The following CPQ variants were observed in gnomAD, a reference collection of about 807,000 sequenced individuals.
CPQ encodes the protein carboxypeptidase Q, also known as Ser-Met dipeptidase.
A neutral mutation model predicts 45.7 loss-of-function variants in CPQ; 37 were observed. The ratio of observed to expected loss-of-function variants is 0.81; its 90% CI spans 0.62 to 1.07. CPQ has a LOEUF of 1.07. CPQ is among the 50% of genes least tolerant of loss of function. The probability of loss-of-function intolerance (pLI) is 0.00; values close to 1 mark genes in which losing one functional copy is unlikely to be tolerated. For synonymous variants in CPQ, 186 were observed against 205.8 expected (o/e 0.90, Z 0.82); for missense variants, 537 against 572.9 (o/e 0.94, Z 0.64).
chr8:97,083,446 A>G (rs1333630708), intron 7 of CPQ, among the ~76,000 whole-genome samples: 2 of 152,170 alleles, frequency 1.3e-5, no homozygotes, highest in South Asian at 4.1e-4. Flanking sequence ...CTACTAGCAT[A>G]CACTATAACC....
chr8:97,022,457 G>A (rs923324723), intron 5 of CPQ, among the ~76,000 whole-genome samples: 11 of 152,084 alleles, frequency 7.2e-5, no homozygotes, highest in Admixed American at 7.2e-4. Context: ...ACCCAGAGTG[G>A]GAGAACATCT....
rs189575413 is a variant in CPQ, at chr8:96,878,823, A to G, written c.642-975A>G. 1.9e-3 allele frequency among the ~76,000 whole-genome samples: 296 copies of G among 152,336 alleles called. 5 individuals are homozygous for G. Among genetic ancestry groups the G allele is most frequent in the Admixed American group, 0.019 (292 of 15,296 alleles). ...TGTTCTGTAAATATGAGACAAGCTG[A>G]AACAAATATAGAAATATGAAAAGAA... On this transcript the variant is annotated intron_variant, in intron 3 of 7. Coordinates refer to ENST00000220763, the MANE Select transcript of CPQ (RefSeq NM_016134.4).
chr8:96,885,761 G>A (rs1812297550), intron 4 of CPQ, among the ~76,000 whole-genome samples: 2 of 152,142 alleles, frequency 1.3e-5, no homozygotes, highest in South Asian at 4.1e-4. Flanking sequence ...GGCCGAGGCG[G>A]GCAGATAACT....
intron 2 of CPQ, among the ~76,000 whole-genome samples, chr8:96,787,707 G>A (rs905305480): frequency 6.6e-6 from 1 of 150,874 alleles, no homozygotes; most frequent in East Asian, 2.0e-4. Context: ...TTTCTTTGTG[G>A]GAAGATTTTT....
chr8:96,838,260 C>T (rs1297594023), intron 3 of CPQ, among the ~76,000 whole-genome samples: 1 of 152,162 alleles, frequency 6.6e-6, no homozygotes, highest in Non-Finnish European at 1.5e-5. Context: ...ATCTCAGTCA[C>T]TTCACACAAT....
intron 3 of CPQ, among the ~76,000 whole-genome samples, chr8:96,846,839 C>G (rs537760869): frequency 6.6e-6 from 1 of 152,276 alleles, no homozygotes; most frequent in African/African-American, 2.4e-5. Context: ...ATAATCCAAT[C>G]AAGGACATAC....
Position 97,107,062 on chromosome 8 carries a change from T to C in CPQ, c.1256-35958T>C, listed in dbSNP as rs1166366609. ...AGAACAGAAGGGAAGGAATGGGAGC[T>C]ACTGACTCTAATAGCAGAAATTTGC... On this transcript the variant is annotated intron_variant, in intron 7 of 7. Coordinates refer to ENST00000220763, the MANE Select transcript of CPQ (RefSeq NM_016134.4). Among the ~76,000 whole-genome samples, 5 of 152,166 alleles carry C rather than the reference T, an allele frequency of 3.3e-5. No homozygotes were observed. The East Asian group carries it at 9.6e-4, about 29-fold the overall frequency.
intron 5 of CPQ, among the ~76,000 whole-genome samples, chr8:96,993,019 A>C (rs900889496): frequency 6.6e-6 from 1 of 152,224 alleles, no homozygotes; most frequent in Non-Finnish European, 1.5e-5. Flanking sequence ...TGCCACCTGC[A>C]CTGACAATAC....
At chr8:97,030,774 A>G (rs567201502) in intron 6 of CPQ, among the ~76,000 whole-genome samples, 1 of 152,354 alleles carries the variant, frequency 6.6e-6, no homozygotes, top group African/African-American at 2.4e-5. Context: ...GACACTGACG[A>G]TTAACTTGAA....
At chr8:97,006,753 C>T (rs1190615141) in intron 5 of CPQ, among the ~76,000 whole-genome samples, 1 of 152,110 alleles carries the variant, frequency 6.6e-6, no homozygotes, top group Non-Finnish European at 1.5e-5. Context: ...CCCAGGAGGA[C>T]CCAGGTGCAC....
chr8:97,062,818 G>T (rs907430614), intron 6 of CPQ, among the ~76,000 whole-genome samples: 1 of 152,094 alleles, frequency 6.6e-6, no homozygotes, highest in African/African-American at 2.4e-5. Context: ...TTATTTTTGT[G>T]GTTGCATAGT....
At chr8:97,110,613 T>C (rs1011512341) in intron 7 of CPQ, among the ~76,000 whole-genome samples, 3 of 152,198 alleles carry the variant, frequency 2.0e-5, no homozygotes, top group Non-Finnish European at 4.4e-5. Flanking sequence ...GTCTGGTTGC[T>C]CCACATCCAT....
At chr8:96,970,775 G>A (rs972743377) in intron 5 of CPQ, among the ~76,000 whole-genome samples, 23 of 152,100 alleles carry the variant, frequency 1.5e-4, no homozygotes, top group Non-Finnish European at 4.4e-5. Flanking sequence ...GTGTTAGCCA[G>A]GATGGTCTCT....
intron 4 of CPQ, among the ~76,000 whole-genome samples, chr8:96,947,851 G>C (rs1813211387): frequency 6.6e-6 from 1 of 151,982 alleles, no homozygotes. Context: ...CTTACTTAAA[G>C]TTCTGGGACT....
chr8:97,022,293 A>T (rs183231888), intron 5 of CPQ, among the ~76,000 whole-genome samples: 1 of 152,204 alleles, frequency 6.6e-6, no homozygotes, highest in Non-Finnish European at 1.5e-5. Flanking sequence ...AGAAGATAAC[A>T]TTGGAAAAAC....
At chr8:97,023,637 G>A (rs1346521580) in intron 5 of CPQ, among the ~76,000 whole-genome samples, 2 of 152,140 alleles carry the variant, frequency 1.3e-5, no homozygotes, top group Non-Finnish European at 2.9e-5. Flanking sequence ...TTATAATGAG[G>A]TAGGACTGTT....
chr8:97,070,709 A>T (rs1810725779), intron 7 of CPQ, among the ~76,000 whole-genome samples: 1 of 152,324 alleles, frequency 6.6e-6, no homozygotes, highest in East Asian at 1.9e-4. Flanking sequence ...TCACACATAA[A>T]ATGGTGAATT....
intron 4 of CPQ, among the ~76,000 whole-genome samples, chr8:96,935,099 G>A (rs554622595): frequency 7.2e-5 from 11 of 152,160 alleles, no homozygotes; most frequent in Non-Finnish European, 1.6e-4. Context: ...CTGAATCCAG[G>A]TTTCCAGAAG....
intron 7 of CPQ, among the ~76,000 whole-genome samples, chr8:97,125,193 A>G (rs1055953461): frequency 1.3e-5 from 2 of 152,200 alleles, no homozygotes; most frequent in African/African-American, 4.8e-5. Context: ...TACTGATTCA[A>G]GAAGAAATAA....
Sources: allele counts gnomAD v4.1 joint callset (sites outside exome capture counted in the v4.1 genomes callset), GRCh38; gene constraint gnomAD v4.1.1; transcripts MANE v1.5; gene names NCBI Gene and HGNC (gene_info 2026-07-23, HGNC 2026-07-21).